Variants in CADPS observed in about 807,000 individuals in gnomAD.
The protein encoded by CADPS is calcium dependent secretion activator.
A neutral mutation model predicts 167.3 loss-of-function variants in CADPS; 57 were observed. That is an observed-to-expected ratio of 0.34 (90% confidence interval 0.28 to 0.42). The LOEUF is 0.42. CADPS is among the 20% of genes least tolerant of loss of function. CADPS has a pLI of 1.00. For missense variants in CADPS, 1,414 were observed against 1,738.1 expected (o/e 0.81, Z 3.32); for synonymous variants, 676 against 635.3 (o/e 1.06, Z -0.96).
intron 1 of CADPS, among the ~76,000 whole-genome samples, chr3:62,824,699 T>C (rs552958238): frequency 1.3e-5 from 2 of 152,264 alleles, no homozygotes; most frequent in Admixed American, 1.3e-4. Context: ...AAAAAAAAGG[T>C]AATTCTATAA....
At chr3:62,468,743 C>T (rs907277322) in intron 24 of CADPS, among the ~76,000 whole-genome samples, 6 of 152,126 alleles carry the variant, frequency 3.9e-5, no homozygotes, top group African/African-American at 1.4e-4. Context: ...TGATCATCTC[C>T]ATTCCTCTTC....
At chr3:62,439,615 C>G (rs1445530982) in intron 27 of CADPS, 1 of 152,210 alleles carries the variant, frequency 6.6e-6, no homozygotes, top group Non-Finnish European at 1.5e-5. Flanking sequence ...GCACCTCTCT[C>G]CTTCTCTCCG....
intron 1 of CADPS, among the ~76,000 whole-genome samples, chr3:62,845,548 C>A (rs970266765): frequency 1.3e-5 from 2 of 152,062 alleles, no homozygotes; most frequent in Non-Finnish European, 2.9e-5. Flanking sequence ...GAAGAAAGAG[C>A]CTTTATCATA....
At chr3:62,865,284 G>T (rs2081476571) in intron 1 of CADPS, among the ~76,000 whole-genome samples, 2 of 151,166 alleles carry the variant, frequency 1.3e-5, no homozygotes, top group African/African-American at 4.9e-5. Flanking sequence ...AGATTCTCTG[G>T]ACCACTTGGC....
intron 3 of CADPS, among the ~76,000 whole-genome samples, chr3:62,739,875 A>G (rs184269140): frequency 8.5e-5 from 13 of 152,372 alleles, no homozygotes; most frequent in African/African-American, 3.1e-4. Context: ...AGAGGTTGGT[A>G]GTTAATACTA....
chr3:62,424,126 T>C (rs537409984), intron 28 of CADPS, among the ~76,000 whole-genome samples: 1 of 152,238 alleles, frequency 6.6e-6, no homozygotes, highest in East Asian at 1.9e-4. Flanking sequence ...GCACAGAGTA[T>C]GGCAGAAAGA....
chr3:62,642,320 G>A (rs1042193532), intron 6 of CADPS, among the ~76,000 whole-genome samples: 2 of 152,180 alleles, frequency 1.3e-5, no homozygotes, highest in African/African-American at 4.8e-5. Flanking sequence ...ACAAGATTCA[G>A]AAGATGAATA....
chr3:62,639,718 C>T (rs1358024643), intron 6 of CADPS, among the ~76,000 whole-genome samples: 1 of 152,208 alleles, frequency 6.6e-6, no homozygotes, highest in African/African-American at 2.4e-5. Flanking sequence ...ATAGCTTCTC[C>T]AGGGTCTTGG....
At chr3:62,766,282 A>T (rs2086841301) in intron 1 of CADPS, among the ~76,000 whole-genome samples, 2 of 152,300 alleles carry the variant, frequency 1.3e-5, no homozygotes, top group South Asian at 4.1e-4. Flanking sequence ...TTTTGAGGTT[A>T]CTTACACCTA....
At chr3:62,441,771 A>G (rs9834231) in intron 27 of CADPS, among the ~76,000 whole-genome samples, 36,978 of 152,108 alleles carry the variant, frequency 0.24, 4,914 homozygotes, top group Middle Eastern at 0.38. Context: ...GAGCTTTAAA[A>G]ATACTGATGT....
chr3:62,731,470 G>A (rs1194835393), intron 3 of CADPS, among the ~76,000 whole-genome samples: 3 of 152,040 alleles, frequency 2.0e-5, no homozygotes, highest in South Asian at 2.1e-4. Context: ...CCAAACTGAG[G>A]TAGTCCACAT....
In CADPS at chr3:62,455,585, T is replaced by C. The variant is rs1307788341; in HGVS notation, c.3636+9782A>G. Among the ~76,000 whole-genome samples, 1 of 152,184 alleles carries C rather than the reference T, an allele frequency of 6.6e-6. No homozygotes were observed. The highest frequency in any genetic ancestry group is 1.5e-5 in the Non-Finnish European group (1 of 68,032). Reference sequence around the variant, plus strand: ...TCTTATTTTAAGAGAAACTTGGAAGTGCAAATTGGAAAGTTTTAATTTTGT... The same window carrying C: ...TCTTATTTTAAGAGAAACTTGGAAGCGCAAATTGGAAAGTTTTAATTTTGT... On this transcript the variant is annotated intron_variant, in intron 26 of 29. Coordinates refer to ENST00000383710, the MANE Select transcript of CADPS (RefSeq NM_003716.4). This position sits in a 1 kb window ranked among gnomAD's most constrained non-coding sequence, Gnocchi z 4.4.
At chr3:62,577,628 C>A (rs541939561) in intron 8 of CADPS, among the ~76,000 whole-genome samples, 11 of 152,356 alleles carry the variant, frequency 7.2e-5, no homozygotes, top group Non-Finnish European at 1.5e-4. Context: ...ACAACAATAA[C>A]TCTTCTATAG....
At chr3:62,581,740 G>A (rs990290859) in intron 8 of CADPS, among the ~76,000 whole-genome samples, 18 of 152,106 alleles carry the variant, frequency 1.2e-4, no homozygotes, top group African/African-American at 3.9e-4. Context: ...ATTACTTCAA[G>A]GTTTTTGGTC....
At chr3:62,712,079 G>T (rs752706272) in intron 3 of CADPS, among the ~76,000 whole-genome samples, 1 of 151,836 alleles carries the variant, frequency 6.6e-6, no homozygotes, top group Admixed American at 6.6e-5. Context: ...AAATTTCAAC[G>T]GTATTGTATG....
At chr3:62,800,363 A>C (rs56819548) in intron 1 of CADPS, among the ~76,000 whole-genome samples, 10,759 of 152,156 alleles carry the variant, frequency 0.071, 1,251 homozygotes, top group African/African-American at 0.24. Context: ...TAAGGTCATC[A>C]TCCTAAGTGA....
At chr3:62,401,462 A>G (rs1025232767) in intron 29 of CADPS, among the ~76,000 whole-genome samples, 10 of 152,234 alleles carry the variant, frequency 6.6e-5, no homozygotes, top group Non-Finnish European at 1.3e-4. Context: ...TATTTATCCA[A>G]TGTTGAATGA....
At chr3:62,699,744 T>A (rs1287953486) in intron 3 of CADPS, among the ~76,000 whole-genome samples, 1 of 152,046 alleles carries the variant, frequency 6.6e-6, no homozygotes, top group Non-Finnish European at 1.5e-5. Context: ...AATTTTTGTA[T>A]TTTTAGTAGA....
chr3:62,560,249 G>T (rs2078916401), intron 9 of CADPS, among the ~76,000 whole-genome samples: 1 of 152,180 alleles, frequency 6.6e-6, no homozygotes, highest in African/African-American at 2.4e-5. Context: ...TAGACTGATT[G>T]AATGGTGGGA....
Sources: allele counts gnomAD v4.1 joint callset (sites outside exome capture counted in the v4.1 genomes callset), GRCh38; gene constraint gnomAD v4.1.1; non-coding constraint Gnocchi (gnomAD v3.1); transcripts MANE v1.5; gene names NCBI Gene and HGNC (gene_info 2026-07-23, HGNC 2026-07-21).